The following SHLD1 variants were observed in gnomAD, a reference collection of about 807,000 sequenced individuals.
SHLD1 encodes the protein shieldin complex subunit 1, also known as RINN1-REV7-interacting novel NHEJ regulator 3.
A neutral mutation model predicts 5.5 loss-of-function variants in SHLD1; 3 were observed. The ratio of observed to expected loss-of-function variants is 0.54; its 90% CI spans 0.25 to 1.40. The LOEUF (loss-of-function observed/expected upper bound fraction) is 1.40. Ranked by LOEUF, SHLD1 falls within the 40% of genes most tolerant of loss-of-function variation. The pLI is 0.15. For synonymous variants in SHLD1, 92 were observed against 94.3 expected, an observed-to-expected ratio of 0.98 and a Z score of 0.14; for missense variants, 210 against 244.4, an observed-to-expected ratio of 0.86 and a Z score of 0.94.
intron 2 of SHLD1, among the ~76,000 whole-genome samples, chr20:5,833,124 AAAAATAGACTCCTAAAACAGTCCT>A (rs2087749129): frequency 6.6e-6 from 1 of 151,410 alleles, no homozygotes; most frequent in South Asian, 2.1e-4. Flanking sequence ...CTTTCCTCCT[AAAAATAGACTCCTAAAACAGTCCT>A]AAAATAGACT....
chr20:5,843,295 C>CTTTTTTTTTTTTTTTCTTT (rs11473559), intron 2 of SHLD1, among the ~76,000 whole-genome samples: 3 of 141,684 alleles, frequency 2.1e-5, no homozygotes, highest in Non-Finnish European at 3.1e-5. Flanking sequence ...TTGTTTTTTT[C>CTTTTTTTTTTTTTTTCTTT]TTTTTTTTTT....
chr20:5,772,817 A>C (rs762008113), intron 1 of SHLD1, 45 bp from the exon 2 acceptor site: 2 of 1,519,100 alleles, frequency 1.3e-6, no homozygotes, highest in Admixed American at 4.0e-5. Context: ...GGATCCTGCT[A>C]TGTGGTGCCT....
chr20:5,823,452 G>T (rs1205166838), intron 2 of SHLD1, among the ~76,000 whole-genome samples: 3 of 141,632 alleles, frequency 2.1e-5, no homozygotes, highest in Non-Finnish European at 3.1e-5. Flanking sequence ...GTTGTTTTTT[G>T]TTTTTTTTTT....
chr20:5,796,181 A>G (rs1432653559), intron 2 of SHLD1, among the ~76,000 whole-genome samples: 1 of 152,208 alleles, frequency 6.6e-6, no homozygotes, highest in Admixed American at 6.5e-5. Context: ...CAAAAGAGCA[A>G]TAATCCAAAT....
At chr20:5,777,817 C>T (rs1172561071) in intron 2 of SHLD1, among the ~76,000 whole-genome samples, 1 of 152,072 alleles carries the variant, frequency 6.6e-6, no homozygotes, top group African/African-American at 2.4e-5. Flanking sequence ...AGACAAGGAA[C>T]TGCTGCAAAT....
chr20:5,844,184 G>A (rs1157002542), intron 2 of SHLD1, among the ~76,000 whole-genome samples: 3 of 152,262 alleles, frequency 2.0e-5, no homozygotes, highest in East Asian at 3.9e-4. Flanking sequence ...TGTCTTGCCC[G>A]TTTAATTCAG....
chr20:5,767,046 T>C (rs759397123), intron 1 of SHLD1, among the ~76,000 whole-genome samples: 2 of 152,212 alleles, frequency 1.3e-5, no homozygotes, highest in Non-Finnish European at 2.9e-5. Flanking sequence ...CTAACCCAGT[T>C]AATAAAAAAC....
At chr20:5,816,607 G>A (rs1347785772) in intron 2 of SHLD1, among the ~76,000 whole-genome samples, 3 of 152,164 alleles carry the variant, frequency 2.0e-5, no homozygotes, top group South Asian at 2.1e-4. Context: ...GTGGCAGGAC[G>A]AGAACTGGAA....
chr20:5,794,579 A>C (rs2087185164), intron 2 of SHLD1, among the ~76,000 whole-genome samples: 1 of 152,204 alleles, frequency 6.6e-6, no homozygotes, highest in African/African-American at 2.4e-5. Context: ...TCCTGTTCTT[A>C]TATAATCTCT....
At chr20:5,795,805 C>T (rs2087204180) in intron 2 of SHLD1, among the ~76,000 whole-genome samples, 1 of 151,428 alleles carries the variant, frequency 6.6e-6, no homozygotes, top group African/African-American at 2.4e-5. Flanking sequence ...CACGGTGAAA[C>T]CCCGTCTCTA....
In SHLD1 at chr20:5,803,344, T is replaced by C. The variant is rs2087325618; in HGVS notation, c.178+30301T>C. On this transcript the variant is annotated intron_variant, in intron 2 of 2. Coordinates refer to ENST00000303142, the MANE Select transcript of SHLD1 (RefSeq NM_152504.4). Reference sequence around the variant, plus strand: ...TGCCTGGCTAATTTTTTAAAAAAATTCTTTTGTAGAGACAAGGTCTCACTA... The same window carrying C: ...TGCCTGGCTAATTTTTTAAAAAAATCCTTTTGTAGAGACAAGGTCTCACTA... Among the ~76,000 whole-genome samples the C allele has an allele frequency of 2.0e-5, 3 of 151,990 alleles. No homozygotes were observed. The South Asian group carries it at 6.2e-4, about 32-fold the overall frequency.
intron 2 of SHLD1, among the ~76,000 whole-genome samples, chr20:5,784,368 T>G (rs1255615545): frequency 6.6e-6 from 1 of 152,044 alleles, no homozygotes; most frequent in African/African-American, 2.4e-5. Context: ...ACTTTCGATA[T>G]GTACTGCTAA....
chr20:5,784,702 A>T (rs35357633), intron 2 of SHLD1, among the ~76,000 whole-genome samples: 3 of 152,214 alleles, frequency 2.0e-5, no homozygotes, highest in Admixed American at 2.0e-4. Context: ...CGCCCGCCTC[A>T]GCCTCCCAAA....
intron 2 of SHLD1, among the ~76,000 whole-genome samples, chr20:5,827,552 A>G (rs1194764577): frequency 6.6e-6 from 1 of 151,412 alleles, no homozygotes; most frequent in Non-Finnish European, 1.5e-5. Context: ...CTTCACCCAC[A>G]GGCCCCCCAT....
chr20:5,850,521 T>C (rs1236778629), intron 2 of SHLD1, among the ~76,000 whole-genome samples: 1 of 151,028 alleles, frequency 6.6e-6, no homozygotes, highest in South Asian at 2.1e-4. Flanking sequence ...ATTTTTTTTT[T>C]TTTTTTTGAG....
Position 5,787,244 on chromosome 20 carries a change from T to C in SHLD1, c.178+14201T>C, listed in dbSNP as rs563999589. Among the ~76,000 whole-genome samples the C allele has an allele frequency of 2.6e-5, 4 of 152,334 alleles. No homozygotes were observed. The East Asian group carries it at 7.7e-4, about 29-fold the overall frequency. On this transcript the variant is annotated intron_variant, in intron 2 of 2. Transcript: ENST00000303142. Reference sequence around the variant, plus strand: ...ACCAGGTAGGATCCAACTTCTTATGTGAAAACCCAGGGAAGAAAACAAGTC... The same window carrying C: ...ACCAGGTAGGATCCAACTTCTTATGCGAAAACCCAGGGAAGAAAACAAGTC...
chr20:5,829,851 A>G (rs237075), intron 2 of SHLD1, among the ~76,000 whole-genome samples: 71,385 of 151,488 alleles, frequency 0.47, 18,320 homozygotes, highest in East Asian at 0.61. Flanking sequence ...AATTTATTCT[A>G]CCCTTCTTGG....
chr20:5,769,533 C>T (rs938573587), intron 1 of SHLD1, among the ~76,000 whole-genome samples: 9 of 152,180 alleles, frequency 5.9e-5, no homozygotes, highest in African/African-American at 1.9e-4. Flanking sequence ...TGCATATATA[C>T]ATACCTATGA....
At chr20:5,805,875 A>G (rs1453151554) in intron 2 of SHLD1, among the ~76,000 whole-genome samples, 2 of 152,212 alleles carry the variant, frequency 1.3e-5, no homozygotes, top group African/African-American at 2.4e-5. Flanking sequence ...TGCTGGGATC[A>G]TAGACATGAG....
Sources: allele counts gnomAD v4.1 joint callset (sites outside exome capture counted in the v4.1 genomes callset), GRCh38; gene constraint gnomAD v4.1.1; transcripts MANE v1.5; gene names NCBI Gene and HGNC (gene_info 2026-07-23, HGNC 2026-07-21).